The following SLC30A8 variants were observed in gnomAD, a reference collection of about 807,000 sequenced individuals.
SLC30A8 encodes the protein proton-coupled zinc antiporter SLC30A8.
SLC30A8 carries 27 observed loss-of-function variants against 36.9 expected under a neutral mutation model. The observed-to-expected ratio is 0.73, with a 90% CI of 0.54 to 1.01. SLC30A8 has a LOEUF of 1.01. Among genes scored for constraint, SLC30A8 ranks in the 50% least tolerant of loss-of-function variants. SLC30A8 has a pLI of 0.00. For missense variants in SLC30A8, 439 were observed against 452.0 expected (o/e 0.97, Z 0.26); for synonymous variants, 164 against 172.4 (o/e 0.95, Z 0.38).
chr8:116,961,847 C>T (rs947549694), intron 1 of SLC30A8, among the ~76,000 whole-genome samples: 3 of 151,854 alleles, frequency 2.0e-5, no homozygotes, highest in Non-Finnish European at 2.9e-5. Flanking sequence ...TCACTGTAGC[C>T]TCAAACTCCT....
At chr8:116,982,793 C>A (rs893475603) in intron 1 of SLC30A8, among the ~76,000 whole-genome samples, 1 of 152,062 alleles carries the variant, frequency 6.6e-6, no homozygotes, top group East Asian at 1.9e-4. Flanking sequence ...TAAAGGGGCA[C>A]ATATATTTTT....
Position 117,025,146 on chromosome 8 carries a change from TA to T in SLC30A8, c.-265-14067del, listed in dbSNP as rs201252660. ...TGGCACATTTGAAATTCGGAGAGTT[TA>T]AAAAATAAATTTGGGACTGATTAGC... On this transcript the variant is annotated intron_variant, in intron 1 of 10. Transcript: ENST00000427715. 4.7e-3 allele frequency among the ~76,000 whole-genome samples: 720 copies of T among 152,324 alleles called. 5 individuals are homozygous for T. Among genetic ancestry groups the T allele is most frequent in the African/African-American group, 0.017 (699 of 41,582 alleles).
chr8:117,115,559 A>G (rs1378055007), intron 2 of SLC30A8, among the ~76,000 whole-genome samples: 1 of 152,160 alleles, frequency 6.6e-6, no homozygotes, highest in Non-Finnish European at 1.5e-5. Context: ...ACAAATAAGC[A>G]TGAGCACCTT....
intron 1 of SLC30A8, among the ~76,000 whole-genome samples, chr8:116,956,301 A>G (rs2130580246): frequency 6.6e-6 from 1 of 152,314 alleles, no homozygotes; most frequent in East Asian, 1.9e-4. Flanking sequence ...GAAAATAGCT[A>G]TAGTAAGAGA....
At chr8:116,975,406 C>G (rs1359452282) in intron 1 of SLC30A8, among the ~76,000 whole-genome samples, 1 of 152,036 alleles carries the variant, frequency 6.6e-6, no homozygotes, top group African/African-American at 2.4e-5. Flanking sequence ...GAAATTAGTG[C>G]CTAAATTTAT....
At chr8:117,066,251 C>T (rs1280118879) in intron 2 of SLC30A8, among the ~76,000 whole-genome samples, 1 of 152,198 alleles carries the variant, frequency 6.6e-6, no homozygotes, top group Non-Finnish European at 1.5e-5. Flanking sequence ...GGGCAGCAAG[C>T]AAGCTGGCTC....
At chr8:116,976,826 T>TTTTCTTTTCTTTTCTTTTCTTTTC (rs1815042574) in intron 1 of SLC30A8, among the ~76,000 whole-genome samples, 2 of 141,948 alleles carry the variant, frequency 1.4e-5, no homozygotes, top group African/African-American at 5.7e-5. Flanking sequence ...TTCTTTCTTT[T>TTTTCTTTTCTTTTCTTTTCTTTTC]TTTTTTTTTT....
intron 2 of SLC30A8, among the ~76,000 whole-genome samples, chr8:117,057,738 T>A: frequency 6.6e-6 from 1 of 152,298 alleles, no homozygotes; most frequent in Non-Finnish European, 1.5e-5. Context: ...ATTTTATATA[T>A]AGGCATATAT....
intron 1 of SLC30A8, among the ~76,000 whole-genome samples, chr8:117,141,546 TATC>T (rs1359857378): frequency 1.3e-5 from 2 of 152,126 alleles, no homozygotes; most frequent in South Asian, 2.1e-4. Context: ...TTGCAGCTCA[TATC>T]ATAATTTTTT....
chr8:117,058,086 C>T (rs144563184), intron 2 of SLC30A8, among the ~76,000 whole-genome samples: 2 of 152,278 alleles, frequency 1.3e-5, no homozygotes, highest in East Asian at 3.9e-4. Flanking sequence ...GCCACCCTAA[C>T]AGGTGCAAGA....
intron 1 of SLC30A8, among the ~76,000 whole-genome samples, chr8:116,996,157 A>G (rs1349332655): frequency 6.6e-6 from 1 of 152,200 alleles, no homozygotes; most frequent in African/African-American, 2.4e-5. Context: ...TACCCATGAC[A>G]AAGTGGATTG....
chr8:117,093,694 A>G (rs1819235417), intron 2 of SLC30A8, among the ~76,000 whole-genome samples: 1 of 152,122 alleles, frequency 6.6e-6, no homozygotes, highest in African/African-American at 2.4e-5. Context: ...CTGTCATGGG[A>G]TTTTTGGGGT....
chr8:117,041,680 ACTCTGT>A, intron 2 of SLC30A8, among the ~76,000 whole-genome samples: 1 of 151,896 alleles, frequency 6.6e-6, no homozygotes, highest in Admixed American at 6.6e-5. Flanking sequence ...CAAGAGGTAA[ACTCTGT>A]CTCAAAAAAA....
intron 2 of SLC30A8, among the ~76,000 whole-genome samples, chr8:117,109,766 T>C (rs531032494): frequency 6.6e-5 from 10 of 152,298 alleles, no homozygotes; most frequent in South Asian, 4.1e-4. Flanking sequence ...TTTTCAACTT[T>C]GTCTCCTAAG....
At chr8:116,952,396 T>C (rs1026584560) in intron 1 of SLC30A8, among the ~76,000 whole-genome samples, 1 of 152,176 alleles carries the variant, frequency 6.6e-6, no homozygotes, top group Non-Finnish European at 1.5e-5. Context: ...ACACAAAAAT[T>C]ATCAGTCCCT....
chr8:117,130,909 C>T (rs146444415), upstream of SLC30A8, among the ~76,000 whole-genome samples: 5 of 151,912 alleles, frequency 3.3e-5, no homozygotes, highest in Non-Finnish European at 7.4e-5. Context: ...CAATATTTCT[C>T]CCCCCAAAAA....
intron 2 of SLC30A8, among the ~76,000 whole-genome samples, chr8:117,074,499 G>A (rs929778347): frequency 1.2e-4 from 19 of 152,246 alleles, no homozygotes; most frequent in Non-Finnish European, 2.8e-4. Flanking sequence ...ATGCTATACA[G>A]ATGTATAGAA....
At chr8:117,157,177 A>G (rs1400127347) in intron 3 of SLC30A8, among the ~76,000 whole-genome samples, 1 of 152,230 alleles carries the variant, frequency 6.6e-6, no homozygotes. Flanking sequence ...CTCTGTGTTT[A>G]TAATATGTTG....
At position 117,174,718 on chromosome 8, in the gene SLC30A8, C is replaced by T. The variant is rs1378025491; in HGVS notation, c.*2037C>T. On this transcript the variant is annotated 3_prime_UTR_variant, in exon 8 of 8. Coordinates refer to ENST00000456015, the MANE Select transcript of SLC30A8 (RefSeq NM_173851.3). ...ATCATGTTTAGATTTGATTTTAAGT[C>T]AGAAATTCACTGAATGTCAGGTAAT... 6.6e-6 allele frequency: 1 copy of T among 152,494 alleles called. No homozygotes were observed. Among genetic ancestry groups the T allele is most frequent in the Non-Finnish European group, 1.5e-5 (1 of 68,004 alleles). The allele number at this position is 152,494 out of a possible 1,614,324, so 9.4% of individuals were successfully genotyped here.
Sources: allele counts gnomAD v4.1 joint callset (sites outside exome capture counted in the v4.1 genomes callset), GRCh38; gene constraint gnomAD v4.1.1; transcripts MANE v1.5; gene names NCBI Gene and HGNC (gene_info 2026-07-23, HGNC 2026-07-21).